The following SMARCA2 variants were observed in gnomAD, a reference collection of about 807,000 sequenced individuals.
SMARCA2 encodes the protein SWI/SNF-related matrix-associated actin-dependent regulator of chromatin subfamily A member 2.
Under a neutral mutation model 199.8 loss-of-function variants are expected in SMARCA2, and 61 were observed. The observed-to-expected ratio is 0.31, with a 90% CI of 0.25 to 0.38. SMARCA2 has a LOEUF of 0.38. Among genes scored for constraint, SMARCA2 ranks in the 10% least tolerant of loss-of-function variants. SMARCA2 has a pLI of 1.00. For synonymous variants in SMARCA2, 935 were observed against 732.0 expected (o/e 1.28, Z -4.48); for missense variants, 1,344 against 2,012.2 (o/e 0.67, Z 6.35).
chr9:2,060,905 A>G lies in SMARCA2; in HGVS notation c.1611A>G (p.Val537=), dbSNP rs761322286. ...TTTTGCAGCAGACCGATGAGTATGT[A>G]GCCAATCTGACCAATCTGGTTTGGG... ...AYLLQQTDEY[V]ANLTNLVWEH... is the part of the protein sequence containing the mutation. The change falls in exon 9 of 34, where the codon GTA becomes GTG. Residue 537 remains valine (V), a synonymous_variant. Transcript: ENST00000349721. 1.9e-6 allele frequency: 3 copies of G among 1,614,062 alleles called. No individual in the cohort carries two copies. Among genetic ancestry groups the G allele is most frequent in the Non-Finnish European group, 2.5e-6 (3 of 1,179,992 alleles).
intron 29 of SMARCA2, among the ~76,000 whole-genome samples, chr9:2,180,283 C>T (rs555279044): frequency 6.6e-6 from 1 of 152,276 alleles, no homozygotes; most frequent in African/African-American, 2.4e-5. Flanking sequence ...GAAAAACTAG[C>T]CCATCTCTTT....
At chr9:2,124,952 CA>C (rs1823623967) in intron 27 of SMARCA2, among the ~76,000 whole-genome samples, 1 of 152,108 alleles carries the variant, frequency 6.6e-6, no homozygotes. Context: ...AAAAACCAAG[CA>C]AAACAAAAGC....
chr9:2,081,098 A>C (rs1002551512), intron 14 of SMARCA2, among the ~76,000 whole-genome samples: 2 of 152,260 alleles, frequency 1.3e-5, no homozygotes, highest in Non-Finnish European at 2.9e-5. Context: ...CTATCATTTA[A>C]ATCCAGCATC....
chr9:2,167,576 G>A (rs927014588), intron 28 of SMARCA2, among the ~76,000 whole-genome samples: 6 of 152,204 alleles, frequency 3.9e-5, no homozygotes, highest in Admixed American at 6.5e-5. Flanking sequence ...TGGCAGCCAC[G>A]TGGCTCCTGC....
chr9:2,162,355 C>T (rs549724827), intron 28 of SMARCA2, among the ~76,000 whole-genome samples: 140 of 152,212 alleles, frequency 9.2e-4, no homozygotes, highest in African/African-American at 3.1e-3. Flanking sequence ...ACAGTTTCTC[C>T]TTTCCTTCCA....
intron 27 of SMARCA2, among the ~76,000 whole-genome samples, chr9:2,128,431 C>G (rs910406237): frequency 2.0e-5 from 3 of 152,168 alleles, no homozygotes; most frequent in East Asian, 1.9e-4. Flanking sequence ...GCTCTTAGCT[C>G]TTTTGTGTTC....
At position 2,164,527 on chromosome 9, in the gene SMARCA2, A is replaced by C. The variant is rs59933145; in HGVS notation, c.4199+2624A>C. Among the ~76,000 whole-genome samples, 912 of 152,304 alleles carry C rather than the reference A, an allele frequency of 6.0e-3. 7 individuals carry two copies. Among genetic ancestry groups the C allele is most frequent in the African/African-American group, 0.021 (873 of 41,572 alleles). On this transcript the variant is annotated intron_variant, in intron 28 of 33. Transcript: ENST00000349721. ...TGTCATCAGGGATTTAATGTAACTC[A>C]GGTTCTTTGAACAGTTTCATTATTA...
intron 27 of SMARCA2, among the ~76,000 whole-genome samples, chr9:2,154,917 C>T (rs988586906): frequency 2.0e-5 from 3 of 152,140 alleles, no homozygotes; most frequent in African/African-American, 7.2e-5. Flanking sequence ...GAGTTCCTGA[C>T]TGTGTTAAGA....
rs79769400 is a variant in SMARCA2, at chr9:2,123,661, G to A, written c.3763-58G>A. ...ACTTGGGGAAGTTGTGTAGTGCTGG[G>A]AAGTCTGCACCATACAGAAGCCCTG... On this transcript the variant is annotated intron_variant, in intron 26 of 33. Transcript: ENST00000349721. This position sits in a 1 kb window ranked among gnomAD's most constrained non-coding sequence, Gnocchi z 4.1. The A allele has an allele frequency of 8.3e-3, 12,033 of 1,449,196 alleles. 775 individuals carry two copies. In the African/African-American group the frequency reaches 0.14, roughly 17 times the overall value. The allele number at this position is 1,449,196 out of a possible 1,614,324, so 89.8% of individuals were successfully genotyped here. A position where few individuals can be genotyped will look rare whatever the true frequency, so the allele number is the denominator to read the frequency against.
intron 24 of SMARCA2, among the ~76,000 whole-genome samples, chr9:2,112,336 A>C (rs191009355): frequency 6.6e-6 from 1 of 152,118 alleles, no homozygotes; most frequent in Non-Finnish European, 1.5e-5. Context: ...GGAGGTAAGC[A>C]TTTCCACTGA....
intron 27 of SMARCA2, among the ~76,000 whole-genome samples, chr9:2,132,752 G>T (rs770993463): frequency 6.6e-6 from 1 of 152,038 alleles, no homozygotes. Flanking sequence ...AATACTTTAG[G>T]GTGGAAGTAC....
chr9:2,163,714 C>T (rs1441935189), intron 28 of SMARCA2, among the ~76,000 whole-genome samples: 1 of 152,102 alleles, frequency 6.6e-6, no homozygotes, highest in African/African-American at 2.4e-5. Flanking sequence ...GCATTTTGTT[C>T]ATTACTTGCT....
intron 22 of SMARCA2, 32 bp from the exon 23 acceptor site, chr9:2,103,971 G>C (rs1822644578): frequency 6.2e-7 from 1 of 1,607,528 alleles, no homozygotes; most frequent in African/African-American, 1.3e-5. Context: ...AAGTAATACT[G>C]TCTTCTTGTT....
chr9:2,034,581 G>A lies in SMARCA2; in HGVS notation c.355+1500G>A, dbSNP rs139290810. On this transcript the variant is annotated intron_variant, in intron 3 of 33. Transcript: ENST00000349721. ...TTCCAATTCAAGGTTTATGGTTTAT[G>A]CGTTGCTATATATAATCCTGTGTAA... Among the ~76,000 whole-genome samples, 118 of 152,304 alleles carry A rather than the reference G, an allele frequency of 7.7e-4. No individual in the cohort carries two copies. The East Asian group carries it at 0.018, about 23-fold the overall frequency.
In SMARCA2 at chr9:2,169,665, C is replaced by T. The variant is rs1254644264; in HGVS notation, c.4200-754C>T. On this transcript the variant is annotated intron_variant, in intron 28 of 33. Transcript: ENST00000349721. The surrounding 1 kb of genome is among the most constrained non-coding windows in gnomAD (Gnocchi z 6.5). ...GAATCCCAAAGGGTGCTGTCTACAC[C>T]TGGAGGGAGATCTAGAGGGTATGGA... Among the ~76,000 whole-genome samples the T allele has an allele frequency of 1.3e-5, 2 of 152,200 alleles. No homozygotes were observed. The highest frequency in any genetic ancestry group is 2.4e-5 in the African/African-American group (1 of 41,534).
intron 19 of SMARCA2, among the ~76,000 whole-genome samples, chr9:2,093,850 C>A (rs183483080): frequency 2.6e-5 from 4 of 152,110 alleles, no homozygotes; most frequent in Non-Finnish European, 5.9e-5. Context: ...TTGACCTGTG[C>A]CCTGAAAGTA....
chr9:2,162,806 G>A (rs1380624933), intron 28 of SMARCA2: 1 of 152,166 alleles, frequency 6.6e-6, no homozygotes, highest in East Asian at 1.9e-4. Context: ...CCAGGTCGAT[G>A]TGTGGAGTGG....
At position 2,172,052 on chromosome 9, in the gene SMARCA2, C is replaced by T. The variant is rs538749827; in HGVS notation, c.4253+1580C>T. On this transcript the variant is annotated intron_variant, in intron 29 of 33. Transcript: ENST00000349721. ...GCAGTGGGCTTGGTGTTTGCTTCCTCAGGGCTCTCTGGAGTCTGTCTTGTC... is the reference window on the plus strand; with the variant it reads ...GCAGTGGGCTTGGTGTTTGCTTCCTTAGGGCTCTCTGGAGTCTGTCTTGTC... Among the ~76,000 whole-genome samples, 25 of 152,304 alleles carry T rather than the reference C, an allele frequency of 1.6e-4. No individual in the cohort carries two copies. In the South Asian group the frequency reaches 5.2e-3, roughly 32 times the overall value.
Position 2,047,349 on chromosome 9 carries a change from G to T in SMARCA2, c.911G>T (p.Gly304Val). ...AAQPPAAAVP[G>V]PSVPQPAPGQ... ...CAGCCGCCCGCGGCCGCAGTGCCCG[G>T]GCCCTCAGTGCCGCAGCCGGCCCCG... Residue 304 changes from glycine to valine, a missense_variant, in exon 5 of 34, where the codon GGG (glycine) becomes GTG (valine). Coordinates refer to ENST00000349721, the MANE Select transcript of SMARCA2 (RefSeq NM_003070.5). The T allele has an allele frequency of 6.9e-7, 1 of 1,441,648 alleles. No individual in the cohort carries two copies. The highest frequency in any genetic ancestry group is 9.2e-7 in the Non-Finnish European group (1 of 1,089,052). 89.3% of individuals were successfully genotyped at this position (1,441,648 alleles called of 1,614,324 possible).
Sources: allele counts gnomAD v4.1 joint callset (sites outside exome capture counted in the v4.1 genomes callset), GRCh38; gene constraint gnomAD v4.1.1; non-coding constraint Gnocchi (gnomAD v3.1); transcripts MANE v1.5; gene names NCBI Gene and HGNC (gene_info 2026-07-23, HGNC 2026-07-21).